USP6NL: variants seen among roughly 807,000 people sequenced by gnomAD.
USP6NL encodes USP6 N-terminal like, also known as USP6 N-terminal-like protein.
In USP6NL, 26 loss-of-function variants were observed where a neutral mutation model predicts 61.9. That is an observed-to-expected ratio of 0.42 (90% CI 0.31 to 0.58). USP6NL has a LOEUF of 0.58. USP6NL is among the 20% of genes least tolerant of loss of function. USP6NL has a pLI of 0.16. For synonymous variants in USP6NL, 432 were observed against 390.1 expected (o/e 1.11, Z -1.27); for missense variants, 1,114 against 1,034.3 (o/e 1.08, Z -1.06).
chr10:11,496,728 C>A lies in USP6NL; in HGVS notation c.385-3500G>T, dbSNP rs551413433. On this transcript the variant is annotated intron_variant, in intron 7 of 14. Transcript: ENST00000609104. This position sits in a 1 kb window ranked among gnomAD's most constrained non-coding sequence, Gnocchi z 5.4. ...ATATACATAAAAACATAACTGTTCC[C>A]GACTTCAGCTAAAAGTGGAAAGAAG... 2.0e-5 allele frequency among the ~76,000 whole-genome samples: 3 copies of A among 151,964 alleles called. No individual in the cohort carries two copies. Among genetic ancestry groups the A allele is most frequent in the Admixed American group, 2.0e-4 (3 of 15,258 alleles).
intron 7 of USP6NL, among the ~76,000 whole-genome samples, chr10:11,498,166 G>T (rs898449469): frequency 6.9e-6 from 1 of 144,566 alleles, no homozygotes; most frequent in African/African-American, 2.6e-5. Context: ...AACCTAGGAG[G>T]TGGAGGTTGC....
At chr10:11,555,451 T>TATATATATATAGAGAGAG (rs1427219382) in intron 2 of USP6NL, among the ~76,000 whole-genome samples, 1 of 61,002 alleles carries the variant, frequency 1.6e-5, no homozygotes, top group Non-Finnish European at 2.7e-5. Flanking sequence ...TATATATATA[T>TATATATATATAGAGAGAG]AGAGAGAGAG....
intron 2 of USP6NL, among the ~76,000 whole-genome samples, chr10:11,584,034 A>G (rs1214683910): frequency 6.6e-6 from 1 of 151,660 alleles, no homozygotes; most frequent in African/African-American, 2.4e-5. Flanking sequence ...GTCTCAAAAA[A>G]AGAAAAGGAA....
intron 7 of USP6NL, among the ~76,000 whole-genome samples, chr10:11,494,044 G>C (rs1206195768): frequency 6.6e-6 from 1 of 152,174 alleles, no homozygotes; most frequent in Non-Finnish European, 1.5e-5. Flanking sequence ...ACACCCTTTA[G>C]TAGCTCCTGT....
rs865945683 is a variant in USP6NL at position 11,495,275 on chromosome 10, T to C, written c.385-2047A>G. On this transcript the variant is annotated intron_variant, in intron 7 of 14. Transcript: ENST00000609104. The surrounding 1 kb of genome is among the most constrained non-coding windows in gnomAD (Gnocchi z 4.6). ...CGAGGATTATTATAATATTGGAATA[T>C]AGAGTAATTGCTACAAACTAATGAT... Among the ~76,000 whole-genome samples, 2 of 152,168 alleles carry C rather than the reference T, an allele frequency of 1.3e-5. No homozygotes were observed. The highest frequency in any genetic ancestry group is 2.9e-5 in the Non-Finnish European group (2 of 68,022).
chr10:11,489,151 G>T lies in USP6NL; in HGVS notation c.615C>A (p.Ala205=), dbSNP rs761014177. The T allele has an allele frequency of 2.5e-6, 4 of 1,613,970 alleles. No individual in the cohort carries two copies. The South Asian group carries it at 4.4e-5, about 18-fold the overall frequency. Residue 205 remains alanine (A), a synonymous_variant, in exon 10 of 15, where the codon GCC becomes GCA. Transcript: ENST00000609104. The surrounding 1 kb of genome is among the most constrained non-coding windows in gnomAD (Gnocchi z 5.7). ...AGAAGAGTTTGACCAGGGCCCAGAA[G>T]GCATCTTCCTCGTTCATATACATGA... is the stretch of plus-strand genomic sequence containing the variant. ...LLLMYMNEED[A]FWALVKLFSG... is the part of the protein sequence containing the mutation.
intron 8 of USP6NL, among the ~76,000 whole-genome samples, chr10:11,492,375 T>C (rs1158763086): frequency 6.6e-6 from 1 of 152,244 alleles, no homozygotes; most frequent in East Asian, 1.9e-4. Context: ...TAAAAATCCA[T>C]AATCTGTTAA....
rs1025972621 is a variant in USP6NL at position 11,596,417 on chromosome 10, C to G, written c.4+1214G>C. Among the ~76,000 whole-genome samples the G allele has an allele frequency of 1.3e-5, 2 of 151,824 alleles. No individual in the cohort carries two copies. Among genetic ancestry groups the G allele is most frequent in the African/African-American group, 2.4e-5 (1 of 41,328 alleles). ...CGGGCGGATCACAAGGTCAGGAGAT[C>G]GAGACCATCCTGACTAACACGGTGA... On this transcript the variant is annotated intron_variant, in intron 2 of 14. Transcript: ENST00000609104. This position sits in a 1 kb window ranked among gnomAD's most constrained non-coding sequence, Gnocchi z 4.1.
Position 11,481,014 on chromosome 10 carries a change from T to C in USP6NL, c.1078+756A>G, listed in dbSNP as rs1292834183. ...CATTTTCTTCCCTCCCTTCCTGCAC[T>C]CCCCTTCTTCTGCTCCTCTCCCATT... On this transcript the variant is annotated intron_variant, in intron 14 of 14. Coordinates refer to ENST00000609104, the MANE Select transcript of USP6NL (RefSeq NM_014688.5). This position sits in a 1 kb window ranked among gnomAD's most constrained non-coding sequence, Gnocchi z 4.4. Among the ~76,000 whole-genome samples, 2 of 152,160 alleles carry C rather than the reference T, an allele frequency of 1.3e-5. No individual in the cohort carries two copies. Among genetic ancestry groups the C allele is most frequent in the East Asian group, 3.8e-4 (2 of 5,202 alleles).
At chr10:11,558,497 C>T (rs562590304) in intron 2 of USP6NL, among the ~76,000 whole-genome samples, 8 of 152,166 alleles carry the variant, frequency 5.3e-5, no homozygotes, top group Non-Finnish European at 4.4e-5. Context: ...CACCTGAATA[C>T]CTACAGGATA....
Position 11,532,272 on chromosome 10 carries a change from T to C in USP6NL, c.5-4705A>G. ...ATTCCAAGATTTCATTATTATTTTA[T>C]AGTTCTCGAACACACCAAGAGTGCT... On this transcript the variant is annotated intron_variant, in intron 2 of 14. Coordinates refer to ENST00000609104, the MANE Select transcript of USP6NL (RefSeq NM_014688.5). The surrounding 1 kb of genome is among the most constrained non-coding windows in gnomAD (Gnocchi z 4.1). 7.1e-6 allele frequency: 11 copies of C among 1,553,202 alleles called. No individual in the cohort carries two copies. Among genetic ancestry groups the C allele is most frequent in the Non-Finnish European group, 9.6e-6 (11 of 1,147,000 alleles).
chr10:11,493,695 C>T (rs576896526), intron 7 of USP6NL, among the ~76,000 whole-genome samples: 14 of 152,378 alleles, frequency 9.2e-5, no homozygotes, highest in African/African-American at 3.4e-4. Flanking sequence ...ATAATCTCCT[C>T]AGGTGATGTT....
intron 1 of USP6NL, among the ~76,000 whole-genome samples, chr10:11,599,949 A>G (rs1454249273): frequency 1.3e-5 from 2 of 151,964 alleles, no homozygotes; most frequent in Non-Finnish European, 2.9e-5. Flanking sequence ...GCGAGGCACC[A>G]TGCCCAGCCC....
intron 2 of USP6NL, among the ~76,000 whole-genome samples, chr10:11,531,030 A>G (rs991657264): frequency 2.6e-5 from 4 of 152,226 alleles, no homozygotes; most frequent in African/African-American, 7.2e-5. Flanking sequence ...AGGCACCTAT[A>G]AACAACGGCA....
rs553080529 is a variant in USP6NL at position 11,522,527 on chromosome 10, T to C, written c.155+2859A>G. Among the ~76,000 whole-genome samples the C allele has an allele frequency of 5.3e-4, 80 of 152,354 alleles. 1 individual carries two copies. In the South Asian group the frequency reaches 0.016, roughly 30 times the overall value. ...CTCATTGTACTAAAAATCACTGATT[T>C]TGGTGAAATTTAATAAGGCTTGACA... On this transcript the variant is annotated intron_variant, in intron 4 of 14. Transcript: ENST00000609104.
chr10:11,469,862 A>G (rs931816075), intron 14 of USP6NL, among the ~76,000 whole-genome samples: 2 of 152,232 alleles, frequency 1.3e-5, no homozygotes, highest in African/African-American at 4.8e-5. Context: ...TAACAAGTAT[A>G]GCCCGTGCAC....
rs1832424017 is a variant in USP6NL at position 11,465,750 on chromosome 10, A to T, written c.1079-1901T>A. On this transcript the variant is annotated intron_variant, in intron 14 of 14. Transcript: ENST00000609104. This position sits in a 1 kb window ranked among gnomAD's most constrained non-coding sequence, Gnocchi z 4.5. ...CTGCATCAATTCTCAATTCTCAATT[A>T]ATGAAAACTCAATTCACCTGACATG... 6.6e-6 allele frequency among the ~76,000 whole-genome samples: 1 copy of T among 152,200 alleles called. No individual in the cohort carries two copies. The highest frequency in any genetic ancestry group is 1.5e-5 in the Non-Finnish European group (1 of 68,030).
chr10:11,545,557 C>G (rs1231476138), intron 2 of USP6NL, among the ~76,000 whole-genome samples: 1 of 152,102 alleles, frequency 6.6e-6, no homozygotes, highest in Non-Finnish European at 1.5e-5. Flanking sequence ...CTGAGAGCTG[C>G]AAAACTTAAA....
intron 2 of USP6NL, among the ~76,000 whole-genome samples, chr10:11,571,453 G>A (rs1837358542): frequency 6.6e-6 from 1 of 151,926 alleles, no homozygotes; most frequent in Admixed American, 6.6e-5. Context: ...CGCATACCAA[G>A]GAAAACTATT....
Sources: gnomAD v4.1 joint callset for allele counts (sites outside exome capture counted in the v4.1 genomes callset) on GRCh38, gnomAD v4.1.1 for gene constraint, Gnocchi (gnomAD v3.1) non-coding constraint, MANE v1.5 for transcripts, NCBI Gene and HGNC (gene_info 2026-07-23, HGNC 2026-07-21) for gene names.